Variants in CCNE2 observed in about 807,000 individuals in gnomAD.
The protein encoded by CCNE2 is cyclin E2, also known as G1/S-specific cyclin-E2.
In CCNE2, 18 loss-of-function variants were observed where a neutral mutation model predicts 56.8. That is an observed-to-expected ratio of 0.32 (90% CI 0.22 to 0.47). The LOEUF (loss-of-function observed/expected upper bound fraction) is 0.47. Among genes scored for constraint, CCNE2 ranks in the 20% least tolerant of loss-of-function variants. The pLI, the probability that CCNE2 is intolerant of heterozygous loss-of-function variation, is 1.00. For missense variants in CCNE2, 371 were observed against 467.1 expected, an observed-to-expected ratio of 0.79 and a Z score of 1.90; for synonymous variants, 139 against 149.2, an observed-to-expected ratio of 0.93 and a Z score of 0.50.
chr8:94,885,490 G>A lies in CCNE2; in HGVS notation c.669C>T (p.Ile223=), dbSNP rs62523073. The A allele has an allele frequency of 3.1e-6, 5 of 1,604,046 alleles. No individual in the cohort carries two copies. The East Asian group carries it at 8.9e-5, about 29-fold the overall frequency. ...TTAATATAATGAGTTCCATCCTTAA[G>A]ATATCCTCTTCACTGCAAGCACCAT... is the stretch of plus-strand genomic sequence containing the variant. ...VTDGACSEED[I]LRMELIILKA... The change falls in exon 8 of 12, where the codon ATC becomes ATT. Residue 223 remains isoleucine, a synonymous_variant. Transcript: ENST00000308108.
At chr8:94,882,994 G>A (rs374942315) in intron 9 of CCNE2, 102 bp from the exon 10 acceptor site, 26 of 729,700 alleles carry the variant, frequency 3.6e-5, no homozygotes, top group Admixed American at 1.4e-4. Flanking sequence ...GCCACCACCC[G>A]GCCAGGCGCG....
At chr8:94,895,270 T>A (rs1035998946), upstream of CCNE2, 2 of 985,058 alleles carry the variant, frequency 2.0e-6, no homozygotes, top group Admixed American at 6.2e-5. Flanking sequence ...CGCCTCAGAC[T>A]GACACCTCCG....
chr8:94,883,224 A>C (rs1319827430), intron 9 of CCNE2, among the ~76,000 whole-genome samples: 7 of 151,760 alleles, frequency 4.6e-5, no homozygotes. Context: ...TGCAGTGAGC[A>C]GAGATCGCGC....
chr8:94,893,619 C>A, intron 4 of CCNE2: 1 of 468,170 alleles, frequency 2.1e-6, no homozygotes, highest in East Asian at 3.8e-5. Flanking sequence ...GTATATTGGA[C>A]AGATTAGGCG....
Position 94,882,829 on chromosome 8 carries a change from C to T in CCNE2, c.895G>A (p.Ala299Thr). The T allele has an allele frequency of 3.1e-6, 5 of 1,613,896 alleles. No homozygotes were observed. The highest frequency in any genetic ancestry group is 3.4e-6 in the Non-Finnish European group (4 of 1,179,862). The change falls in exon 10 of 12, where the codon GCT becomes ACT. Residue 299 changes from alanine (A) to threonine (T), a missense_variant. Physicochemically the swap from Ala to Thr is moderately conservative, Grantham distance 58. Transcript: ENST00000308108. ...ATGGAGGTAAAATGGCACAAGGCAG[C>T]AGCAGTCAGTATTCTGTACTGGAAC... is the stretch of plus-strand genomic sequence containing the variant. ...LEFQYRILTAAALCHFTSIEV... is the reference protein window; with the variant it reads ...LEFQYRILTATALCHFTSIEV...
At chr8:94,892,498 C>CA (rs1817282169) in intron 5 of CCNE2, among the ~76,000 whole-genome samples, 1 of 152,134 alleles carries the variant, frequency 6.6e-6, no homozygotes, top group Non-Finnish European at 1.5e-5. Context: ...GTTGAAGCTG[C>CA]AAGAAACACG....
chr8:94,895,570 G>A (rs1327842452), upstream of CCNE2, among the ~76,000 whole-genome samples: 1 of 152,210 alleles, frequency 6.6e-6, no homozygotes, highest in Non-Finnish European at 1.5e-5. Flanking sequence ...GCTCAGCCCG[G>A]GCGCATAACA....
chr8:94,892,064 C>A, intron 5 of CCNE2: 1 of 696,932 alleles, frequency 1.4e-6, no homozygotes, highest in East Asian at 3.1e-5. Context: ...AAAAAGATAT[C>A]CCAGAAGAAA....
intron 5 of CCNE2, 41 bp from the exon 6 acceptor site, chr8:94,890,591 ATTTTTTTT>A: frequency 6.5e-6 from 2 of 308,426 alleles, no homozygotes; most frequent in African/African-American, 5.6e-5. Context: ...ATATATATAT[ATTTTTTTT>A]TTTTTTTTTT....
At chr8:94,881,859 C>T (rs889640098) in intron 11 of CCNE2, 114 bp from the exon 12 acceptor site, 9 of 1,291,818 alleles carry the variant, frequency 7.0e-6, no homozygotes, top group Non-Finnish European at 9.6e-6. Flanking sequence ...TATGTCTTTG[C>T]AAGTGTGAAG....
In CCNE2 at chr8:94,881,091, A is replaced by G. The variant is rs1816791663; in HGVS notation, c.*541T>C. On this transcript the variant is annotated 3_prime_UTR_variant, in exon 12 of 12. Transcript: ENST00000308108. ...CCATTTGTAGAAATTCAAGTTTTAT[A>G]ATAGCTTGCTATAGCAGCTATAGAT... 1 of 397,284 alleles carries G rather than the reference A, an allele frequency of 2.5e-6. No homozygotes were observed. Among genetic ancestry groups the G allele is most frequent in the South Asian group, 1.4e-4 (1 of 7,252 alleles). 24.6% of individuals were successfully genotyped at this position (397,284 alleles called of 1,614,324 possible).
intron 9 of CCNE2, chr8:94,883,947 T>C (rs1462443232): frequency 2.2e-6 from 1 of 456,150 alleles, no homozygotes; most frequent in Admixed American, 2.3e-5. Context: ...GAAATATTAC[T>C]GTTATATACC....
rs1483438764 is a variant in CCNE2, at chr8:94,882,815, A to G, written c.909T>C (p.His303=). 2 of 1,613,950 alleles carry G rather than the reference A, an allele frequency of 1.2e-6. No homozygotes were observed. The highest frequency in any genetic ancestry group is 1.7e-6 in the Non-Finnish European group (2 of 1,179,842). The change falls in exon 10 of 12, where the codon CAT becomes CAC. Residue 303 remains histidine, a synonymous_variant. Transcript: ENST00000308108. ...TCTTAACCACTTCAATGGAGGTAAA[A>G]TGGCACAAGGCAGCAGCAGTCAGTA... ...YRILTAAALC[H]FTSIEVVKKA...
chr8:94,881,553 C>A lies in CCNE2; in HGVS notation c.*79G>T. ...GGGCAATCAATCACAGCACTACTTTCTGTAAAACTTTAGTAGTTCAGTGAT... is the reference window on the plus strand; with the variant it reads ...GGGCAATCAATCACAGCACTACTTTATGTAAAACTTTAGTAGTTCAGTGAT... On this transcript the variant is annotated 3_prime_UTR_variant, in exon 12 of 12. Coordinates refer to ENST00000308108, the MANE Select transcript of CCNE2 (RefSeq NM_057749.3). 7.0e-7 allele frequency: 1 copy of A among 1,436,990 alleles called. No homozygotes were observed. Among genetic ancestry groups the A allele is most frequent in the South Asian group, 1.3e-5 (1 of 79,552 alleles). The allele number at this position is 1,436,990 out of a possible 1,614,324, so 89.0% of individuals were successfully genotyped here.
At chr8:94,894,316 C>G (rs964689900) in intron 1 of CCNE2, 69 bp from the exon 2 acceptor site, 1 of 1,537,332 alleles carries the variant, frequency 6.5e-7, no homozygotes, top group Non-Finnish European at 8.9e-7. Flanking sequence ...GCCAGTAAGA[C>G]GCTGATTCGC....
At chr8:94,884,861 A>C (rs1816975078) in intron 9 of CCNE2, 1 of 447,166 alleles carries the variant, frequency 2.2e-6, no homozygotes, top group South Asian at 3.9e-5. Context: ...GAATGAAAGT[A>C]CTCAGAAAAG....
Position 94,881,639 on chromosome 8 carries a change from T to C in CCNE2, c.1208A>G (p.Lys403Arg). ...TTTGCTTAGTTATCTTCTTTAGTGTTTTCCTGGTGGTTTTTCAGTGCTCTT... is the reference window on the plus strand; with the variant it reads ...TTTGCTTAGTTATCTTCTTTAGTGTCTTCCTGGTGGTTTTTCAGTGCTCTT... ...PPKSTEKPPGKH is the reference protein window; with the variant it reads ...PPKSTEKPPGRH The change falls in exon 12 of 12, where the codon AAA becomes AGA. Residue 403 changes from lysine (K) to arginine (R), a missense_variant. By Grantham distance (26) the Lys-to-Arg change is conservative (BLOSUM62 2). Transcript: ENST00000308108. 6.2e-7 allele frequency: 1 copy of C among 1,613,272 alleles called. No individual in the cohort carries two copies. Among genetic ancestry groups the C allele is most frequent in the Non-Finnish European group, 8.5e-7 (1 of 1,179,768 alleles).
At chr8:94,884,522 G>GT in intron 9 of CCNE2, 1 of 154,114 alleles carries the variant, frequency 6.5e-6, no homozygotes, top group Non-Finnish European at 1.4e-5. Context: ...CTGACCTCAA[G>GT]TGATCTGCCT....
upstream of CCNE2, chr8:94,895,313 C>G (rs1451130470): frequency 1.1e-6 from 1 of 948,074 alleles, no homozygotes; most frequent in Non-Finnish European, 1.3e-6. Context: ...CCCGTCCGCC[C>G]GCGTGCCCGC....
Sources: gnomAD v4.1 joint callset for allele counts (sites outside exome capture counted in the v4.1 genomes callset) on GRCh38, gnomAD v4.1.1 for gene constraint, MANE v1.5 for transcripts, NCBI Gene and HGNC (gene_info 2026-07-23, HGNC 2026-07-21) for gene names.